Variants in JARID2 observed in about 807,000 individuals in gnomAD.
JARID2 encodes protein Jumonji.
JARID2 carries 21 observed loss-of-function variants against 125.6 expected under a neutral mutation model. That is an observed-to-expected ratio of 0.17 (90% CI 0.12 to 0.24). The LOEUF (loss-of-function observed/expected upper bound fraction) is 0.24, where lower values mean the gene tolerates loss of function less well. Among genes scored for constraint, JARID2 ranks in the 10% least tolerant of loss-of-function variants. The pLI is 1.00. For synonymous variants in JARID2, 736 were observed against 661.6 expected (o/e 1.11, Z -1.73); for missense variants, 1,303 against 1,639.6 (o/e 0.79, Z 3.55).
chr6:15,276,903 G>A, intron 1 of JARID2, among the ~76,000 whole-genome samples: 1 of 152,114 alleles, frequency 6.6e-6, no homozygotes, highest in East Asian at 1.9e-4. Flanking sequence ...CTTCCCCCAA[G>A]TTACAAGGCC....
intron 3 of JARID2, among the ~76,000 whole-genome samples, chr6:15,422,348 G>T (rs1243435525): frequency 6.6e-6 from 1 of 152,188 alleles, no homozygotes; most frequent in Non-Finnish European, 1.5e-5. Flanking sequence ...CCTTTCCCAT[G>T]GAAATCTTCC....
chr6:15,303,134 G>A (rs1761694561), intron 1 of JARID2, among the ~76,000 whole-genome samples: 1 of 152,224 alleles, frequency 6.6e-6, no homozygotes, highest in Non-Finnish European at 1.5e-5. Flanking sequence ...AATTTATAAA[G>A]GTAGCCTACA....
intron 2 of JARID2, among the ~76,000 whole-genome samples, chr6:15,390,882 A>G (rs927075932): frequency 2.0e-5 from 3 of 152,086 alleles, no homozygotes; most frequent in African/African-American, 7.2e-5. Context: ...GGTTCAGAAA[A>G]CCGACAAACT....
In JARID2 at chr6:15,509,094, G is replaced by A. The variant is rs1224087606; in HGVS notation, c.2846+640G>A. ...TGTGGAGTCTGTTGCCTGGCGAGGT[G>A]TTCTGGGTCCCCGCCTGTAATCTGA... On this transcript the variant is annotated intron_variant, in intron 12 of 17. Transcript: ENST00000341776. The A allele has an allele frequency of 3.1e-6, 4 of 1,289,278 alleles. No homozygotes were observed. The South Asian group carries it at 4.9e-5, about 16-fold the overall frequency. The allele number at this position is 1,289,278 out of a possible 1,614,324, so 79.9% of individuals were successfully genotyped here.
At chr6:15,408,561 G>A (rs573943705) in intron 2 of JARID2, among the ~76,000 whole-genome samples, 1 of 152,214 alleles carries the variant, frequency 6.6e-6, no homozygotes, top group East Asian at 1.9e-4. Context: ...AACTACATAC[G>A]TAATTTTAGT....
chr6:15,433,315 A>G (rs1301677247), intron 3 of JARID2, among the ~76,000 whole-genome samples: 1 of 152,094 alleles, frequency 6.6e-6, no homozygotes, highest in African/African-American at 2.4e-5. Flanking sequence ...CAGAGAAAGA[A>G]AAGTAATAAT....
chr6:15,438,727 C>T (rs1212863889), intron 3 of JARID2, among the ~76,000 whole-genome samples: 2 of 152,102 alleles, frequency 1.3e-5, no homozygotes, highest in Non-Finnish European at 1.5e-5. Flanking sequence ...TCTATCTGCT[C>T]CATTGAAATC....
chr6:15,410,476 C>T, intron 3 of JARID2, 111 bp downstream of exon 3: 2 of 997,980 alleles, frequency 2.0e-6, no homozygotes, highest in South Asian at 1.6e-5. Context: ...TCTTGATTTT[C>T]ATAGAGGAGC....
intron 2 of JARID2, among the ~76,000 whole-genome samples, 199 bp from the exon 3 acceptor site, chr6:15,410,025 A>T (rs1309125097): frequency 6.6e-6 from 1 of 152,154 alleles, no homozygotes; most frequent in East Asian, 1.9e-4. Context: ...TTTCCCTCTT[A>T]GGCATTTCAC....
At chr6:15,438,261 A>AGG (rs1253217497) in intron 3 of JARID2, among the ~76,000 whole-genome samples, 1 of 152,172 alleles carries the variant, frequency 6.6e-6, no homozygotes, top group Non-Finnish European at 1.5e-5. Flanking sequence ...CTTTGATCAA[A>AGG]GGGAGACCAT....
chr6:15,517,462 T>C (rs954858746), intron 17 of JARID2, among the ~76,000 whole-genome samples, 194 bp downstream of exon 17: 1 of 152,208 alleles, frequency 6.6e-6, no homozygotes, highest in Non-Finnish European at 1.5e-5. Flanking sequence ...GCGGGGTTCC[T>C]GCACGGGCAT....
At chr6:15,452,760 G>A (rs1480523548) in intron 4 of JARID2, among the ~76,000 whole-genome samples, 1 of 152,212 alleles carries the variant, frequency 6.6e-6, no homozygotes, top group African/African-American at 2.4e-5. Context: ...AGAGTTATTT[G>A]TGAAAGTGTT....
intron 1 of JARID2, among the ~76,000 whole-genome samples, chr6:15,356,186 A>G (rs1013753758): frequency 6.6e-6 from 1 of 152,022 alleles, no homozygotes; most frequent in Admixed American, 6.5e-5. Flanking sequence ...TATATGCCAT[A>G]TTTCGTTCAT....
Position 15,496,297 on chromosome 6 carries a change from A to C in JARID2, c.1072A>C (p.Lys358Gln). The change falls in exon 7 of 18, where the codon AAG (lysine) becomes CAG (glutamine). Residue 358 changes from lysine (K) to glutamine (Q), a missense_variant. Physicochemically the swap from Lys to Gln is moderately conservative, Grantham distance 53 (BLOSUM62 1). Around this residue, in one of 11 missense-constraint regions of JARID2, gnomAD observed 651 missense variants for 581.6 expected, o/e 1.12. Coordinates refer to ENST00000341776, the MANE Select transcript of JARID2 (RefSeq NM_004973.4). Reference protein sequence around the residue: ...TYTKAKRELVKDTKPNHHKPS... With the variant: ...TYTKAKRELVQDTKPNHHKPS... ...CACCAAAGCCAAGAGAGAACTGGTC[A>C]AGGACACCAAACCCAATCACCACAA... The C allele has an allele frequency of 6.2e-7, 1 of 1,614,218 alleles. No homozygotes were observed. The highest frequency in any genetic ancestry group is 8.5e-7 in the Non-Finnish European group (1 of 1,180,044).
intron 2 of JARID2, chr6:15,400,774 G>A: frequency 1.0e-6 from 1 of 984,680 alleles, no homozygotes. Flanking sequence ...CTCCCCCTCG[G>A]CCCCATTGCT....
chr6:15,499,095 T>G lies in JARID2; in HGVS notation c.1946-1812T>G, dbSNP rs186478423. 7.1e-4 allele frequency among the ~76,000 whole-genome samples: 108 copies of G among 151,982 alleles called. 2 individuals carry two copies. Among genetic ancestry groups the G allele is most frequent in the Admixed American group, 4.9e-3 (75 of 15,288 alleles). Reference sequence around the variant, plus strand: ...CTCCCTGTGGTGTGCTTATGCTTGTTGCCGTCACCCAGAAGTCTAAGGCGT... The same window carrying G: ...CTCCCTGTGGTGTGCTTATGCTTGTGGCCGTCACCCAGAAGTCTAAGGCGT... On this transcript the variant is annotated intron_variant, in intron 7 of 17. Transcript: ENST00000341776.
intron 1 of JARID2, chr6:15,248,863 G>A: frequency 2.0e-6 from 2 of 976,942 alleles, no homozygotes; most frequent in African/African-American, 1.7e-5. Context: ...CTGGGCGGGG[G>A]CGGGGGCTGC....
chr6:15,517,277 C>G lies in JARID2; in HGVS notation c.3558+9C>G, dbSNP rs1414532981. ...TGTACCGCTACGATGAGGTCAGTCC[C>G]TGCCCGCGGGGTAGGGCAGGGCGGC... On this transcript the variant is annotated intron_variant, in intron 17 of 17. Transcript: ENST00000341776. 2 of 1,600,476 alleles carry G rather than the reference C, an allele frequency of 1.2e-6. No individual in the cohort carries two copies. The highest frequency in any genetic ancestry group is 1.7e-6 in the Non-Finnish European group (2 of 1,167,742).
chr6:15,250,302 A>G (rs1396308916), intron 1 of JARID2, among the ~76,000 whole-genome samples: 1 of 152,224 alleles, frequency 6.6e-6, no homozygotes, highest in Non-Finnish European at 1.5e-5. Context: ...AACACAAAAT[A>G]TACAGTGGTT....
Sources: gnomAD v4.1 joint callset for allele counts (sites outside exome capture counted in the v4.1 genomes callset) on GRCh38, gnomAD v4.1.1 for gene constraint, gnomAD v4.1.1 regional missense constraint, MANE v1.5 for transcripts, NCBI Gene and HGNC (gene_info 2026-07-23, HGNC 2026-07-21) for gene names.